TBC1D19: variants seen among roughly 807,000 people sequenced by gnomAD.
The protein encoded by TBC1D19 is TBC1 domain family member 19.
Under a neutral mutation model 89.0 loss-of-function variants are expected in TBC1D19, and 60 were observed. The ratio of observed to expected loss-of-function variants is 0.67; its 90% CI spans 0.55 to 0.84. TBC1D19 has a LOEUF of 0.84. Among genes scored for constraint, TBC1D19 ranks in the 40% least tolerant of loss-of-function variants. The pLI, the probability that TBC1D19 is intolerant of heterozygous loss-of-function variation, is 0.00. For synonymous variants in TBC1D19, 189 were observed against 199.7 expected, an observed-to-expected ratio of 0.95 and a Z score of 0.45; for missense variants, 500 against 610.8, an observed-to-expected ratio of 0.82 and a Z score of 1.91.
In TBC1D19 at chr4:26,613,173, G is replaced by T; in HGVS notation, c.104G>T (p.Ser35Ile). 2 of 1,548,784 alleles carry T rather than the reference G, an allele frequency of 1.3e-6. No homozygotes were observed. Among genetic ancestry groups the T allele is most frequent in the Non-Finnish European group, 1.8e-6 (2 of 1,140,312 alleles). The change falls in exon 2 of 21, where the codon AGT becomes ATT. Residue 35 changes from serine (S) to isoleucine (I), a missense_variant. Physicochemically the swap from Ser to Ile is moderately radical, Grantham distance 142 (BLOSUM62 -2). This residue lies in a region of TBC1D19 where 280 missense variants were observed against 291.7 expected (regional missense o/e 0.96). Transcript: ENST00000264866. ...YSQLERQAWA[S>I]LQRPEIKLES... The stretch of plus-strand genomic sequence containing the variant: ...TATTATTATTATTATTCTTAGGCCA[G>T]TCTTCAGAGACCTGAGATTAAACTT...
chr4:26,793,943 A>G, the TBC1D19 span, among the ~76,000 whole-genome samples: 2 of 152,180 alleles, frequency 1.3e-5, no homozygotes, highest in Admixed American at 1.3e-4. Context: ...TGATTGGTCC[A>G]TCTTGGGTCA....
chr4:26,637,433 C>T (rs971584996), intron 5 of TBC1D19, 148 bp downstream of exon 5: 16 of 575,694 alleles, frequency 2.8e-5, no homozygotes, highest in Admixed American at 7.8e-5. Context: ...AGTGCAGTGG[C>T]GCGATCTTGG....
chr4:26,732,692 C>A (rs1717739054), intron 15 of TBC1D19, among the ~76,000 whole-genome samples: 1 of 152,146 alleles, frequency 6.6e-6, no homozygotes, highest in Non-Finnish European at 1.5e-5. Context: ...TGAAATAATC[C>A]TTTAAAATAT....
rs1254031767 is a variant in TBC1D19 at position 26,666,233 on chromosome 4, T to C, written c.592-100T>C. On this transcript the variant is annotated intron_variant, in intron 8 of 20. Transcript: ENST00000264866. Reference sequence around the variant, plus strand: ...AATAAAGCAAAGCCTCATTTCACACTGTGATTTTTATTCAAGCTAATGTTA... The same window carrying C: ...AATAAAGCAAAGCCTCATTTCACACCGTGATTTTTATTCAAGCTAATGTTA... 4.4e-6 allele frequency: 4 copies of C among 914,802 alleles called. No homozygotes were observed. The African/African-American group carries it at 6.6e-5, about 15-fold the overall frequency. The allele number at this position is 914,802 out of a possible 1,614,324, so 56.7% of individuals were successfully genotyped here. A position where few individuals can be genotyped will look rare whatever the true frequency, so the allele number is the denominator to read the frequency against.
upstream of TBC1D19, among the ~76,000 whole-genome samples, chr4:26,583,009 T>C (rs1285973446): frequency 6.6e-6 from 1 of 152,268 alleles, no homozygotes; most frequent in African/African-American, 2.4e-5. Flanking sequence ...CAGAGTCCTA[T>C]TGAATTAGAA....
At chr4:26,746,857 G>A (rs1244378006) in intron 18 of TBC1D19, among the ~76,000 whole-genome samples, 4 of 151,872 alleles carry the variant, frequency 2.6e-5, no homozygotes, top group African/African-American at 9.7e-5. Flanking sequence ...AAAAAAAAAG[G>A]GTCACTTGAA....
In TBC1D19 at chr4:26,740,992, T is replaced by C. The variant is rs993363460; in HGVS notation, c.1227+1019T>C. The C allele has an allele frequency of 3.1e-6, 3 of 957,186 alleles. No homozygotes were observed. The African/African-American group carries it at 5.3e-5, about 17-fold the overall frequency. 59.3% of individuals were successfully genotyped at this position (957,186 alleles called of 1,614,324 possible). ...TGGGTTTCTTATCTCTAAGAGAACTTGATTTTGTTCTTATCTTACTTTAAT... is the reference window on the plus strand; with the variant it reads ...TGGGTTTCTTATCTCTAAGAGAACTCGATTTTGTTCTTATCTTACTTTAAT... On this transcript the variant is annotated intron_variant, in intron 17 of 20. Coordinates refer to ENST00000264866, the MANE Select transcript of TBC1D19 (RefSeq NM_018317.4).
chr4:26,706,440 C>G (rs979581131), intron 13 of TBC1D19, among the ~76,000 whole-genome samples: 1 of 152,006 alleles, frequency 6.6e-6, no homozygotes, highest in African/African-American at 2.4e-5. Flanking sequence ...CCTTCTAGCT[C>G]AAGGTTTGTT....
At chr4:26,713,434 A>G (rs1716340860) in intron 13 of TBC1D19, among the ~76,000 whole-genome samples, 2 of 152,086 alleles carry the variant, frequency 1.3e-5, no homozygotes, top group Non-Finnish European at 2.9e-5. Context: ...AGTTAATGTT[A>G]CTCATTAGTG....
intron 15 of TBC1D19, among the ~76,000 whole-genome samples, chr4:26,721,709 G>T (rs1716988118): frequency 6.6e-6 from 1 of 152,144 alleles, no homozygotes; most frequent in Admixed American, 6.6e-5. Flanking sequence ...GACCTCTTGA[G>T]TCTGATCCCT....
the TBC1D19 span, among the ~76,000 whole-genome samples, chr4:26,842,583 C>CCTCCCTTTCTTT: frequency 2.4e-4 from 17 of 70,604 alleles, no homozygotes; most frequent in East Asian, 1.5e-3. Context: ...TTCCTCCCTC[C>CCTCCCTTTCTTT]CTTTCTTTCT....
the TBC1D19 span, among the ~76,000 whole-genome samples, chr4:26,831,232 T>A: frequency 6.6e-6 from 1 of 152,286 alleles, no homozygotes; most frequent in East Asian, 1.9e-4. Context: ...TATGTCTCCA[T>A]TTTCATCTTC....
At chr4:26,788,363 TG>T in the TBC1D19 span, among the ~76,000 whole-genome samples, 2 of 152,200 alleles carry the variant, frequency 1.3e-5, no homozygotes, top group Non-Finnish European at 2.9e-5. Flanking sequence ...CTCTTCTTAA[TG>T]GGAGGTTCCC....
chr4:26,649,847 T>G (rs541351752), intron 7 of TBC1D19, among the ~76,000 whole-genome samples: 200 of 152,288 alleles, frequency 1.3e-3, no homozygotes, highest in African/African-American at 4.3e-3. Context: ...TATCTCCTAA[T>G]GCTATCCCTC....
intron 15 of TBC1D19, among the ~76,000 whole-genome samples, chr4:26,735,014 G>GTATATATGTATACACATATGTATATA (rs1195980440): frequency 3.1e-5 from 4 of 130,500 alleles, no homozygotes; most frequent in Non-Finnish European, 5.1e-5. Context: ...ATATGTATAT[G>GTATATATGTATACACATATGTATATA]TGTATACACA....
rs543913216 is a variant in TBC1D19, at chr4:26,599,130, T to C, written c.100-14039T>C. The stretch of plus-strand genomic sequence containing the variant: ...GATCTATAATATTATAGATTCATAC[T>C]TTAAAAGAATATGATTATGTATCTT... On this transcript the variant is annotated intron_variant, in intron 1 of 20. Transcript: ENST00000264866. 2.0e-5 allele frequency among the ~76,000 whole-genome samples: 3 copies of C among 152,268 alleles called. No homozygotes were observed. In the East Asian group the frequency reaches 5.8e-4, roughly 29 times the overall value.
chr4:26,648,026 C>T (rs1156699537), intron 7 of TBC1D19, among the ~76,000 whole-genome samples: 1 of 152,076 alleles, frequency 6.6e-6, no homozygotes, highest in Non-Finnish European at 1.5e-5. Flanking sequence ...TGTTTTGTTC[C>T]CTGCTTCAGC....
intron 16 of TBC1D19, among the ~76,000 whole-genome samples, chr4:26,736,780 C>T (rs563031703): frequency 1.3e-5 from 2 of 152,242 alleles, no homozygotes; most frequent in Admixed American, 6.5e-5. Flanking sequence ...TGCACAGCCA[C>T]AATTACATCA....
At position 26,637,201 on chromosome 4, in the gene TBC1D19, T is replaced by C; in HGVS notation, c.295-10T>C. On this transcript the variant is annotated splice_polypyrimidine_tract_variant and intron_variant, in intron 4 of 20. Transcript: ENST00000264866. ...CTGGAAAAGATAATTGATTGTTTTT[T>C]ATGTTTCAGGGAAGTTGGGAAAAAA... is the stretch of plus-strand genomic sequence containing the variant. 1 of 1,587,782 alleles carries C rather than the reference T, an allele frequency of 6.3e-7. No individual in the cohort carries two copies. Among genetic ancestry groups the C allele is most frequent in the Non-Finnish European group, 8.6e-7 (1 of 1,160,978 alleles).
Sources: gnomAD v4.1 joint callset for allele counts (sites outside exome capture counted in the v4.1 genomes callset) on GRCh38, gnomAD v4.1.1 for gene constraint, gnomAD v4.1.1 regional missense constraint, MANE v1.5 for transcripts, NCBI Gene and HGNC (gene_info 2026-07-23, HGNC 2026-07-21) for gene names.